Variants in THADA observed in about 807,000 individuals in gnomAD.
The protein encoded by THADA is THADA armadillo repeat containing, also known as tRNA (32-2'-O)-methyltransferase regulator THADA.
THADA carries 213 observed loss-of-function variants against 219.8 expected under a neutral mutation model. The ratio of observed to expected loss-of-function variants is 0.97; its 90% CI spans 0.87 to 1.09. The LOEUF is 1.09. THADA is among the 50% of genes least tolerant of loss of function. The probability of loss-of-function intolerance (pLI) is 0.00; values close to 1 mark genes in which losing one functional copy is unlikely to be tolerated. For missense variants in THADA, 2,956 were observed against 2,311.3 expected (o/e 1.28, Z -5.72); for synonymous variants, 1,018 against 828.9 (o/e 1.23, Z -3.92).
At position 43,232,622 on chromosome 2, in the gene THADA, G is replaced by A; in HGVS notation, c.5466+91C>T. The A allele has an allele frequency of 5.0e-6, 7 of 1,396,182 alleles. No individual in the cohort carries two copies. In the South Asian group the frequency reaches 9.3e-5, roughly 18 times the overall value. The allele number at this position is 1,396,182 out of a possible 1,614,324, so 86.5% of individuals were successfully genotyped here. ...TGGTTCCTGCTCTGTGTCTAAGCAT[G>A]CAAAAGCCCAGCTGAGGCTGTAGGT... On this transcript the variant is annotated intron_variant, in intron 37 of 37. Coordinates refer to ENST00000405975, the MANE Select transcript of THADA (RefSeq NM_022065.5).
At position 43,514,954 on chromosome 2, in the gene THADA, TATA is replaced by T. The variant is rs1488282818; in HGVS notation, c.3375-6177_3375-6175del. On this transcript the variant is annotated intron_variant, in intron 22 of 37. Transcript: ENST00000405975. ...TTTTACGTATATTTTATATATAATA[TATA>T]ATATTTTATATATAATATATAACAT... Among the ~76,000 whole-genome samples, 55 of 75,658 alleles carry T rather than the reference TATA, an allele frequency of 7.3e-4. 1 individual carries two copies. The highest frequency in any genetic ancestry group is 6.0e-3 in the East Asian group (14 of 2,334). The allele number at this position is 75,658 out of a possible 152,430, so 49.6% of individuals were successfully genotyped here.
chr2:43,237,071 CAAA>C (rs35242458), intron 36 of THADA, among the ~76,000 whole-genome samples: 4 of 78,176 alleles, frequency 5.1e-5, no homozygotes, highest in Admixed American at 1.4e-4. Flanking sequence ...GACTCTGTCT[CAAA>C]AAAAAAAAAA....
intron 31 of THADA, among the ~76,000 whole-genome samples, chr2:43,320,077 G>A (rs910856313): frequency 6.6e-6 from 1 of 152,146 alleles, no homozygotes; most frequent in African/African-American, 2.4e-5. Context: ...AGCATCAAAT[G>A]AGCCCAGCTC....
chr2:43,542,713 T>C (rs372476675), intron 20 of THADA, among the ~76,000 whole-genome samples: 2 of 152,178 alleles, frequency 1.3e-5, no homozygotes, highest in Non-Finnish European at 2.9e-5. Flanking sequence ...GAGAAGTTGA[T>C]TGCTGCCCAA....
At chr2:43,421,664 T>A (rs904147884) in intron 28 of THADA, among the ~76,000 whole-genome samples, 1 of 152,186 alleles carries the variant, frequency 6.6e-6, no homozygotes, top group African/African-American at 2.4e-5. Flanking sequence ...TAAGCCAACA[T>A]CTGGAATGGA....
chr2:43,320,368 G>A (rs1279438635), intron 31 of THADA, 78 bp downstream of exon 31: 10 of 1,033,828 alleles, frequency 9.7e-6, no homozygotes, highest in East Asian at 2.4e-5. Context: ...AGCAGTGTGT[G>A]GCAGAGCCAC....
intron 29 of THADA, among the ~76,000 whole-genome samples, chr2:43,395,510 T>C (rs1673919818): frequency 6.7e-6 from 1 of 149,810 alleles, no homozygotes; most frequent in Non-Finnish European, 1.5e-5. Flanking sequence ...AGACCCATAA[T>C]GTATGTAACA....
At chr2:43,455,662 T>A (rs1682902194) in intron 26 of THADA, among the ~76,000 whole-genome samples, 1 of 152,194 alleles carries the variant, frequency 6.6e-6, no homozygotes, top group Admixed American at 6.5e-5. Context: ...GAGAAGCCTA[T>A]CCTGAATAAG....
intron 29 of THADA, among the ~76,000 whole-genome samples, chr2:43,391,180 CTCTA>C (rs1232538098): frequency 3.3e-5 from 5 of 152,292 alleles, no homozygotes; most frequent in Admixed American, 2.6e-4. Flanking sequence ...TACACACACA[CTCTA>C]TCTCTCACTG....
chr2:43,501,934 A>C (rs1689047220), intron 24 of THADA, among the ~76,000 whole-genome samples: 1 of 152,068 alleles, frequency 6.6e-6, no homozygotes, highest in African/African-American at 2.4e-5. Context: ...ACAGAGAGAG[A>C]CTCCATCTCA....
At chr2:43,411,124 T>A (rs957302257) in intron 28 of THADA, among the ~76,000 whole-genome samples, 3 of 152,134 alleles carry the variant, frequency 2.0e-5, no homozygotes, top group African/African-American at 7.2e-5. Flanking sequence ...AACAAAAAAA[T>A]TTTTTTGGAC....
rs75850210 is a variant in THADA at position 43,472,082 on chromosome 2, G to T, written c.3836+13152C>A. On this transcript the variant is annotated intron_variant, in intron 26 of 37. Transcript: ENST00000405975. ...AACCGTTAAACTTCGATTTAACAGG[G>T]ATTGGGGGAAGAAAAGTTTCCAGAG... is the stretch of plus-strand genomic sequence containing the variant. Among the ~76,000 whole-genome samples, 132 of 152,282 alleles carry T rather than the reference G, an allele frequency of 8.7e-4. 3 individuals carry two copies. In the East Asian group the frequency reaches 0.025, roughly 28 times the overall value.
At chr2:43,266,679 T>C (rs1378265399) in intron 36 of THADA, among the ~76,000 whole-genome samples, 1 of 151,930 alleles carries the variant, frequency 6.6e-6, no homozygotes, top group Non-Finnish European at 1.5e-5. Flanking sequence ...TTAGTGTGGG[T>C]GAAAGGAGGA....
intron 31 of THADA, among the ~76,000 whole-genome samples, chr2:43,297,997 T>C (rs1261983598): frequency 0.11 from 2 of 18 alleles, 1 homozygote; most frequent in Non-Finnish European, 0.17. Context: ...CGGGAGGGAG[T>C]GTGGGGGGGG....
intron 20 of THADA, among the ~76,000 whole-genome samples, chr2:43,541,940 C>T (rs1265269281): frequency 1.3e-5 from 2 of 152,112 alleles, no homozygotes; most frequent in African/African-American, 4.8e-5. Context: ...AATAAATACA[C>T]TCCTTATTTA....
chr2:43,417,100 GAAAC>G (rs1250484053), intron 28 of THADA, among the ~76,000 whole-genome samples: 1 of 129,470 alleles, frequency 7.7e-6, no homozygotes, highest in East Asian at 2.4e-4. Context: ...AGTAAAAAGA[GAAAC>G]AATCAAGTTA....
chr2:43,449,763 C>T (rs886348130), intron 26 of THADA, among the ~76,000 whole-genome samples: 17 of 152,062 alleles, frequency 1.1e-4, no homozygotes, highest in Middle Eastern at 3.4e-3. Flanking sequence ...GGCAAGACCC[C>T]GTCTTAAAAA....
intron 26 of THADA, among the ~76,000 whole-genome samples, chr2:43,435,701 T>A (rs1558757912): frequency 6.7e-6 from 1 of 148,876 alleles, no homozygotes; most frequent in African/African-American, 2.5e-5. Context: ...CAGAATCGCT[T>A]GAACCTGGGA....
At chr2:43,427,884 A>AG (rs1201484609) in intron 28 of THADA, among the ~76,000 whole-genome samples, 5 of 149,704 alleles carry the variant, frequency 3.3e-5, no homozygotes, top group African/African-American at 4.9e-5. Flanking sequence ...TGAACCTGGG[A>AG]GGGGGAGCTT....
Sources: allele counts gnomAD v4.1 joint callset (sites outside exome capture counted in the v4.1 genomes callset), GRCh38; gene constraint gnomAD v4.1.1; transcripts MANE v1.5; gene names NCBI Gene and HGNC (gene_info 2026-07-23, HGNC 2026-07-21).